Variants in TASP1 observed in about 807,000 individuals in gnomAD.
TASP1 encodes the protein taspase 1, also known as threonine aspartase 1.
In TASP1, 16 loss-of-function variants were observed where a neutral mutation model predicts 56.6. The ratio of observed to expected loss-of-function variants is 0.28; its 90% CI spans 0.19 to 0.43. TASP1 has a LOEUF of 0.43. TASP1 is among the 20% of genes least tolerant of loss of function. The probability of loss-of-function intolerance (pLI) is 1.00; values close to 1 mark genes in which losing one functional copy is unlikely to be tolerated. For synonymous variants in TASP1, 179 were observed against 184.2 expected (o/e 0.97, Z 0.23); for missense variants, 393 against 511.6 (o/e 0.77, Z 2.24).
At chr20:13,322,891 C>A in the TASP1 span, among the ~76,000 whole-genome samples, 2 of 152,200 alleles carry the variant, frequency 1.3e-5, no homozygotes, top group South Asian at 4.1e-4. Flanking sequence ...CTGCCCTGAC[C>A]TGTCTCTCAG....
chr20:13,468,847 G>GT (rs1385828586), intron 11 of TASP1, among the ~76,000 whole-genome samples: 1 of 139,890 alleles, frequency 7.1e-6, no homozygotes, highest in Non-Finnish European at 1.6e-5. Context: ...AGAATTTTTG[G>GT]TTTTTTTATG....
the TASP1 span, chr20:13,245,401 A>T: frequency 6.6e-6 from 1 of 152,170 alleles, no homozygotes; most frequent in Non-Finnish European, 1.5e-5. Context: ...GCAAGACAAA[A>T]TCCACAGTCT....
At chr20:13,357,938 C>A in the TASP1 span, among the ~76,000 whole-genome samples, 1 of 152,114 alleles carries the variant, frequency 6.6e-6, no homozygotes, top group African/African-American at 2.4e-5. Context: ...CACGTATATG[C>A]CCAGATGGCC....
At chr20:13,523,780 A>T (rs6109922) in intron 10 of TASP1, among the ~76,000 whole-genome samples, 3,142 of 152,272 alleles carry the variant, frequency 0.021, 66 homozygotes, top group Non-Finnish European at 0.026. Context: ...CTTTGGCCTC[A>T]CAGCAGAAAC....
At chr20:13,548,715 T>C (rs966923581) in intron 8 of TASP1, among the ~76,000 whole-genome samples, 2 of 152,146 alleles carry the variant, frequency 1.3e-5, no homozygotes, top group African/African-American at 4.8e-5. Flanking sequence ...GGACATGAAG[T>C]CATTAACTGA....
At chr20:13,204,809 AGAGT>A in the TASP1 span, among the ~76,000 whole-genome samples, 1 of 152,118 alleles carries the variant, frequency 6.6e-6, no homozygotes, top group South Asian at 2.1e-4. Flanking sequence ...GTAAGTAGTG[AGAGT>A]ATCTTTATCC....
the TASP1 span, among the ~76,000 whole-genome samples, chr20:13,365,201 A>C: frequency 6.6e-6 from 1 of 152,290 alleles, no homozygotes; most frequent in East Asian, 1.9e-4. Flanking sequence ...TTCATATTCA[A>C]CTTGGATCTT....
At chr20:13,270,829 C>CA in the TASP1 span, 25 of 1,302,710 alleles carry the variant, frequency 1.9e-5, no homozygotes, top group Admixed American at 5.1e-4. Context: ...TGCTGCCTTA[C>CA]CTCACTTTTC....
At chr20:13,381,015 A>T in the TASP1 span, among the ~76,000 whole-genome samples, 13,433 of 152,132 alleles carry the variant, frequency 0.088, 682 homozygotes, top group African/African-American at 0.11. Flanking sequence ...GCTGGGCTCC[A>T]TGGGGGTGGG....
At chr20:13,368,036 T>C in the TASP1 span, among the ~76,000 whole-genome samples, 1 of 152,214 alleles carries the variant, frequency 6.6e-6, no homozygotes, top group Admixed American at 6.5e-5. Context: ...ATAAATATCT[T>C]TAATATTTTC....
chr20:13,611,483 A>G (rs1279741148), intron 4 of TASP1, among the ~76,000 whole-genome samples: 1 of 152,194 alleles, frequency 6.6e-6, no homozygotes, highest in Admixed American at 6.5e-5. Context: ...CTCATTTTCA[A>G]AATAAAAGTT....
At chr20:13,593,592 C>T (rs2047616611) in intron 4 of TASP1, among the ~76,000 whole-genome samples, 1 of 152,204 alleles carries the variant, frequency 6.6e-6, no homozygotes, top group African/African-American at 2.4e-5. Flanking sequence ...TGGAGCCTTG[C>T]TCACTACTAG....
chr20:13,160,059 C>T, the TASP1 span: 1 of 1,613,576 alleles, frequency 6.2e-7, no homozygotes, highest in Non-Finnish European at 8.5e-7. Flanking sequence ...GTGGGATTTC[C>T]AGCCACTCCC....
intron 11 of TASP1, among the ~76,000 whole-genome samples, chr20:13,473,447 T>C (rs1272942396): frequency 1.3e-5 from 2 of 152,118 alleles, no homozygotes; most frequent in Non-Finnish European, 2.9e-5. Flanking sequence ...GTAACAAACC[T>C]GCACATTGTG....
chr20:13,375,238 C>A, the TASP1 span, among the ~76,000 whole-genome samples: 1 of 151,414 alleles, frequency 6.6e-6, no homozygotes, highest in Admixed American at 6.6e-5. Context: ...CCCCGAGCCC[C>A]CCACCCCCCA....
chr20:13,422,704 A>G (rs896612957), intron 12 of TASP1, among the ~76,000 whole-genome samples: 2 of 152,224 alleles, frequency 1.3e-5, no homozygotes, highest in Non-Finnish European at 2.9e-5. Context: ...TCACCATTAA[A>G]AAGTGCAAAA....
intron 4 of TASP1, among the ~76,000 whole-genome samples, chr20:13,588,317 A>AGG (rs1568618436): frequency 8.0e-4 from 91 of 113,790 alleles, no homozygotes; most frequent in African/African-American, 2.5e-3. Flanking sequence ...AAGAGAAAGA[A>AGG]AAGGAAGGAA....
chr20:13,190,552 C>T, the TASP1 span, among the ~76,000 whole-genome samples: 4 of 152,044 alleles, frequency 2.6e-5, no homozygotes, highest in African/African-American at 4.8e-5. Context: ...GAAATTAGAC[C>T]GCTATCTTCA....
At chr20:13,441,918 C>T (rs2043225729) in intron 11 of TASP1, among the ~76,000 whole-genome samples, 1 of 152,184 alleles carries the variant, frequency 6.6e-6, no homozygotes, top group South Asian at 2.1e-4. Context: ...ATATGCATCC[C>T]AGCCATGGCC....
Sources: gnomAD v4.1 joint callset for allele counts (sites outside exome capture counted in the v4.1 genomes callset) on GRCh38, gnomAD v4.1.1 for gene constraint, MANE v1.5 for transcripts, NCBI Gene and HGNC (gene_info 2026-07-23, HGNC 2026-07-21) for gene names.